The following DOCK4 variants were observed in gnomAD, a reference collection of about 807,000 sequenced individuals.
The protein encoded by DOCK4 is dedicator of cytokinesis 4, also known as dedicator of cytokinesis protein 4.
A neutral mutation model predicts 268.1 loss-of-function variants in DOCK4; 97 were observed. The observed-to-expected ratio is 0.36, with a 90% CI of 0.31 to 0.43. DOCK4 has a LOEUF of 0.43. Among genes scored for constraint, DOCK4 ranks in the 20% least tolerant of loss-of-function variants. DOCK4 has a pLI of 1.00. For missense variants in DOCK4, 2,145 were observed against 2,455.7 expected, an observed-to-expected ratio of 0.87 and a Z score of 2.67; for synonymous variants, 954 against 887.2, an observed-to-expected ratio of 1.08 and a Z score of -1.34.
chr7:112,127,528 T>C (rs1813348283), intron 1 of DOCK4, among the ~76,000 whole-genome samples: 1 of 151,264 alleles, frequency 6.6e-6, no homozygotes, highest in Admixed American at 6.6e-5. Context: ...ACCTGCACAT[T>C]GTGCACATGT....
chr7:112,101,605 T>C (rs1810681220), intron 1 of DOCK4, among the ~76,000 whole-genome samples: 1 of 152,064 alleles, frequency 6.6e-6, no homozygotes, highest in Non-Finnish European at 1.5e-5. Context: ...CTCAGAACCC[T>C]CCCCCTCGGT....
At chr7:111,735,228 A>G (rs972707975) in intron 50 of DOCK4, 61 bp from the exon 51 acceptor site, 6 of 1,123,396 alleles carry the variant, frequency 5.3e-6, no homozygotes, top group Non-Finnish European at 5.0e-6. Flanking sequence ...AATGCTTGAG[A>G]TCTTAGAAGA....
intron 23 of DOCK4, among the ~76,000 whole-genome samples, chr7:111,856,595 A>G (rs1805033676): frequency 6.6e-6 from 1 of 152,232 alleles, no homozygotes; most frequent in African/African-American, 2.4e-5. Context: ...AAAATCCAAG[A>G]AAAGAGCCTG....
At chr7:111,812,597 T>A (rs540391842) in intron 27 of DOCK4, among the ~76,000 whole-genome samples, 38 of 152,174 alleles carry the variant, frequency 2.5e-4, no homozygotes, top group Non-Finnish European at 5.1e-4. Flanking sequence ...AAGAAAGCCA[T>A]GCTTTTTAAA....
intron 32 of DOCK4, 126 bp downstream of exon 32, chr7:111,788,536 A>G: frequency 1.3e-6 from 1 of 741,606 alleles, no homozygotes; most frequent in Non-Finnish European, 2.3e-6. Flanking sequence ...ACACTCCACA[A>G]AGACAAAGCC....
chr7:111,968,513 T>C (rs554493103), intron 8 of DOCK4, among the ~76,000 whole-genome samples: 6 of 101,194 alleles, frequency 5.9e-5, no homozygotes, highest in Non-Finnish European at 1.1e-4. Context: ...CTATGAGATA[T>C]CATCTCACAC....
intron 1 of DOCK4, among the ~76,000 whole-genome samples, chr7:112,194,108 A>G (rs1386485998): frequency 3.3e-5 from 5 of 152,226 alleles, no homozygotes; most frequent in African/African-American, 1.2e-4. Flanking sequence ...TTGAAGGAAT[A>G]CAAACATTCA....
chr7:111,978,219 A>C (rs1027612266), intron 7 of DOCK4, among the ~76,000 whole-genome samples: 7 of 152,188 alleles, frequency 4.6e-5, no homozygotes. Flanking sequence ...GAATGGAAGC[A>C]AAGACCCAGA....
At chr7:111,728,829 A>G in intron 52 of DOCK4, 109 bp from the exon 53 acceptor site, 1 of 1,033,328 alleles carries the variant, frequency 9.7e-7, no homozygotes, top group East Asian at 2.6e-5. Flanking sequence ...GCACCCCCAA[A>G]GCCGGCTGCA....
At chr7:112,060,172 T>C (rs1044947193) in intron 1 of DOCK4, among the ~76,000 whole-genome samples, 3 of 152,182 alleles carry the variant, frequency 2.0e-5, no homozygotes, top group Non-Finnish European at 4.4e-5. Context: ...TCTTTGATTT[T>C]TTAAGACATT....
chr7:112,010,591 G>C (rs956497405), intron 1 of DOCK4, among the ~76,000 whole-genome samples: 1 of 152,106 alleles, frequency 6.6e-6, no homozygotes, highest in Non-Finnish European at 1.5e-5. Flanking sequence ...CTGATCCTCA[G>C]ACCTGCCACA....
intron 10 of DOCK4, among the ~76,000 whole-genome samples, chr7:111,941,777 C>T (rs1175631488): frequency 2.0e-5 from 3 of 152,012 alleles, no homozygotes; most frequent in African/African-American, 7.2e-5. Context: ...TCATCTAAAG[C>T]TGCACTAAAG....
At chr7:111,762,996 G>C (rs182078846) in intron 39 of DOCK4, among the ~76,000 whole-genome samples, 1 of 151,532 alleles carries the variant, frequency 6.6e-6, no homozygotes, top group African/African-American at 2.4e-5. Context: ...TTGAACTCCT[G>C]GGCTCAAGTG....
At chr7:112,204,570 T>C (rs944408215) in intron 1 of DOCK4, among the ~76,000 whole-genome samples, 3 of 152,152 alleles carry the variant, frequency 2.0e-5, no homozygotes, top group Admixed American at 6.5e-5. Flanking sequence ...CTCTGACACT[T>C]TGAAGGAGGG....
intron 1 of DOCK4, among the ~76,000 whole-genome samples, chr7:112,181,391 C>T (rs1235030314): frequency 6.6e-6 from 1 of 152,088 alleles, no homozygotes; most frequent in Non-Finnish European, 1.5e-5. Flanking sequence ...CAGAGGCTCA[C>T]ACCTATAATC....
intron 16 of DOCK4, among the ~76,000 whole-genome samples, chr7:111,883,959 G>T (rs2134306505): frequency 6.6e-6 from 1 of 152,226 alleles, no homozygotes; most frequent in Admixed American, 6.5e-5. Context: ...AGAGATGGGG[G>T]TAGCAGGAGA....
chr7:112,099,760 C>T (rs969162987), intron 1 of DOCK4, among the ~76,000 whole-genome samples: 6 of 152,104 alleles, frequency 3.9e-5, no homozygotes, highest in East Asian at 1.9e-4. Flanking sequence ...GCTAGCTAAA[C>T]AGATGACATA....
intron 42 of DOCK4, among the ~76,000 whole-genome samples, chr7:111,752,200 T>C (rs925025001): frequency 6.6e-6 from 1 of 152,218 alleles, no homozygotes; most frequent in Admixed American, 6.5e-5. Flanking sequence ...CAAAATTGGC[T>C]TGATGGCTGT....
At chr7:111,879,946 A>G (rs763687556) in intron 16 of DOCK4, among the ~76,000 whole-genome samples, 1 of 151,888 alleles carries the variant, frequency 6.6e-6, no homozygotes, top group Non-Finnish European at 1.5e-5. Context: ...AATAGCTTCA[A>G]AAGTGCAAAT....
Sources: gnomAD v4.1 joint callset for allele counts (sites outside exome capture counted in the v4.1 genomes callset) on GRCh38, gnomAD v4.1.1 for gene constraint, MANE v1.5 for transcripts, NCBI Gene and HGNC (gene_info 2026-07-23, HGNC 2026-07-21) for gene names.